Variants in RIMBP2 observed in about 807,000 individuals in gnomAD.
RIMBP2 encodes the protein RIMS-binding protein 2.
A neutral mutation model predicts 118.6 loss-of-function variants in RIMBP2; 48 were observed. That is an observed-to-expected ratio of 0.40 (90% CI 0.32 to 0.51). RIMBP2 has a LOEUF of 0.51. RIMBP2 is among the 20% of genes least tolerant of loss of function. The pLI, the probability that RIMBP2 is intolerant of heterozygous loss-of-function variation, is 0.41. For synonymous variants in RIMBP2, 762 were observed against 742.9 expected (o/e 1.03, Z -0.42); for missense variants, 1,551 against 1,768.3 (o/e 0.88, Z 2.20).
intron 2 of RIMBP2, among the ~76,000 whole-genome samples, chr12:130,527,157 G>C (rs181771345): frequency 6.6e-6 from 1 of 152,322 alleles, no homozygotes; most frequent in African/African-American, 2.4e-5. Context: ...ACACTGACCA[G>C]ATGTAATTTG....
chr12:130,652,428 A>T (rs1173887151), intron 1 of RIMBP2, among the ~76,000 whole-genome samples: 4 of 152,194 alleles, frequency 2.6e-5, no homozygotes, highest in Non-Finnish European at 5.9e-5. Flanking sequence ...CTTGTCCTTA[A>T]CTTCTAAATG....
intron 13 of RIMBP2, 122 bp downstream of exon 13, chr12:130,436,720 C>T (rs1225800103): frequency 2.6e-5 from 19 of 720,632 alleles, no homozygotes; most frequent in South Asian, 4.7e-5. Flanking sequence ...GTGGGCTGAG[C>T]GCGGCCCCCC....
intron 1 of RIMBP2, among the ~76,000 whole-genome samples, chr12:130,689,487 A>T (rs1334560916): frequency 6.6e-6 from 1 of 152,096 alleles, no homozygotes; most frequent in Non-Finnish European, 1.5e-5. Flanking sequence ...CTTTCATTAG[A>T]CCTGACACAT....
intron 18 of RIMBP2, among the ~76,000 whole-genome samples, chr12:130,413,271 C>A (rs767583726): frequency 6.6e-6 from 1 of 152,170 alleles, no homozygotes; most frequent in African/African-American, 2.4e-5. Context: ...TCAAGGCCCT[C>A]TTTCTTTCCC....
intron 1 of RIMBP2, among the ~76,000 whole-genome samples, chr12:130,675,526 C>T (rs1194132143): frequency 6.6e-6 from 1 of 152,064 alleles, no homozygotes; most frequent in Non-Finnish European, 1.5e-5. Context: ...CCTGTCCCCA[C>T]TCCCTTCCGT....
chr12:130,594,697 G>T (rs895087675), intron 2 of RIMBP2, among the ~76,000 whole-genome samples: 6 of 149,860 alleles, frequency 4.0e-5, no homozygotes, highest in African/African-American at 1.5e-4. Flanking sequence ...GGGGGTGTGG[G>T]TATGTTTGTG....
Position 130,712,838 on chromosome 12 carries a change from C to G in RIMBP2, c.-352+3384G>C, listed in dbSNP as rs551963088. Reference sequence around the variant, plus strand: ...ACTAAAGCTTCAAGCTGAGCAGCTACGACAGCCACACTGGGATGGGGATCT... The same window carrying G: ...ACTAAAGCTTCAAGCTGAGCAGCTAGGACAGCCACACTGGGATGGGGATCT... On this transcript the variant is annotated intron_variant, in intron 1 of 22. Coordinates refer to ENST00000690449, the MANE Select transcript of RIMBP2 (RefSeq NM_001393629.1). Among the ~76,000 whole-genome samples, 3 of 152,214 alleles carry G rather than the reference C, an allele frequency of 2.0e-5. No homozygotes were observed. The East Asian group carries it at 5.8e-4, about 30-fold the overall frequency.
At chr12:130,664,567 A>G (rs1330726331) in intron 1 of RIMBP2, among the ~76,000 whole-genome samples, 3 of 151,616 alleles carry the variant, frequency 2.0e-5, no homozygotes, top group Non-Finnish European at 2.9e-5. Context: ...CCTCACACCC[A>G]GATCTTGATT....
Position 130,436,863 on chromosome 12 carries a change from C to T in RIMBP2, c.2085G>A (p.Gln695=). ...TTACCCTGCTGCTCTCGGCCACCCT[C>T]TGCGCGGCCTCCCGGGCCATGGCCT... ...VAKAMAREAA[Q]RVAESSRLEK... The change falls in exon 13 of 23, where the codon CAG becomes CAA. Residue 695 remains glutamine (Q), a synonymous_variant. Coordinates refer to ENST00000690449, the MANE Select transcript of RIMBP2 (RefSeq NM_001393629.1). 6.6e-7 allele frequency: 1 copy of T among 1,515,036 alleles called. No homozygotes were observed. The highest frequency in any genetic ancestry group is 8.8e-7 in the Non-Finnish European group (1 of 1,133,626). 93.8% of individuals were successfully genotyped at this position (1,515,036 alleles called of 1,614,324 possible). A position where few individuals can be genotyped will look rare whatever the true frequency, so the allele number is the denominator to read the frequency against.
intron 6 of RIMBP2, among the ~76,000 whole-genome samples, chr12:130,461,584 G>A (rs1285194559): frequency 6.6e-6 from 1 of 152,142 alleles, no homozygotes; most frequent in Non-Finnish European, 1.5e-5. Context: ...GTTGAAATGT[G>A]ACCTCCAGTG....
intron 6 of RIMBP2, chr12:130,470,329 T>C (rs2080894997): frequency 5.0e-6 from 1 of 201,626 alleles, no homozygotes; most frequent in African/African-American, 2.3e-5. Context: ...CACCGGCCTT[T>C]ACCCCTGGGG....
intron 1 of RIMBP2, among the ~76,000 whole-genome samples, chr12:130,699,766 C>T (rs2065758104): frequency 6.6e-6 from 1 of 151,346 alleles, no homozygotes; most frequent in Admixed American, 6.6e-5. Flanking sequence ...ATTAGTCAGC[C>T]ATGGTGGCAG....
chr12:130,659,834 C>G (rs929136823), intron 1 of RIMBP2, among the ~76,000 whole-genome samples: 2 of 151,822 alleles, frequency 1.3e-5, no homozygotes, highest in African/African-American at 4.8e-5. Flanking sequence ...ATTAGCCAGG[C>G]ATGGTGGCAT....
intron 1 of RIMBP2, among the ~76,000 whole-genome samples, chr12:130,640,840 G>A (rs1461001987): frequency 6.6e-6 from 1 of 152,198 alleles, no homozygotes; most frequent in Non-Finnish European, 1.5e-5. Context: ...CAGCTGCTCT[G>A]GGCCACCAAG....
intron 5 of RIMBP2, among the ~76,000 whole-genome samples, chr12:130,478,602 C>T (rs545826783): frequency 2.6e-5 from 4 of 152,194 alleles, no homozygotes; most frequent in Non-Finnish European, 5.9e-5. Context: ...CTGCACACTG[C>T]TTTTTCCAGA....
intron 1 of RIMBP2, chr12:130,658,901 TA>T (rs1428549027): frequency 6.6e-6 from 1 of 152,350 alleles, no homozygotes; most frequent in Non-Finnish European, 1.5e-5. Context: ...CTCTCGGCTC[TA>T]AACCATGCTC....
Position 130,462,439 on chromosome 12 carries a change from C to T in RIMBP2, c.154-5739G>A, listed in dbSNP as rs572776281. On this transcript the variant is annotated intron_variant, in intron 6 of 22. Transcript: ENST00000690449. ...CTGCCCGGCTGCGTCTCCACCGAGG[C>T]CCAAGGCACGCTACTCGGCGTGACC... Among the ~76,000 whole-genome samples, 3 of 152,338 alleles carry T rather than the reference C, an allele frequency of 2.0e-5. No homozygotes were observed. The South Asian group carries it at 6.2e-4, about 32-fold the overall frequency.
At chr12:130,502,345 A>C (rs2049882462) in intron 4 of RIMBP2, among the ~76,000 whole-genome samples, 1 of 152,172 alleles carries the variant, frequency 6.6e-6, no homozygotes, top group Non-Finnish European at 1.5e-5. Context: ...TAATACATAC[A>C]GTTCTACAGT....
chr12:130,497,708 A>G (rs1481569109), intron 4 of RIMBP2, among the ~76,000 whole-genome samples: 2 of 152,224 alleles, frequency 1.3e-5, no homozygotes, highest in East Asian at 1.9e-4. Flanking sequence ...AAAAAGCCCA[A>G]TGCGTTTTTT....
Sources: allele counts gnomAD v4.1 joint callset (sites outside exome capture counted in the v4.1 genomes callset), GRCh38; gene constraint gnomAD v4.1.1; transcripts MANE v1.5; gene names NCBI Gene and HGNC (gene_info 2026-07-23, HGNC 2026-07-21).